The following DSCAML1 variants were observed in gnomAD, a reference collection of about 807,000 sequenced individuals.
The protein encoded by DSCAML1 is DS cell adhesion molecule like 1, also known as cell adhesion molecule DSCAML1.
Under a neutral mutation model 200.5 loss-of-function variants are expected in DSCAML1, and 38 were observed. The ratio of observed to expected loss-of-function variants is 0.19; its 90% CI spans 0.15 to 0.25. The LOEUF is 0.25. Ranked by LOEUF, DSCAML1 falls within the 10% of genes least tolerant of loss-of-function variation. The pLI is 1.00. For synonymous variants in DSCAML1, 1,215 were observed against 1,165.0 expected, an observed-to-expected ratio of 1.04 and a Z score of -0.87; for missense variants, 2,223 against 2,858.8, an observed-to-expected ratio of 0.78 and a Z score of 5.07.
At chr11:117,636,469 C>T (rs967084213) in intron 3 of DSCAML1, among the ~76,000 whole-genome samples, 1 of 152,324 alleles carries the variant, frequency 6.6e-6, no homozygotes, top group Middle Eastern at 3.4e-3. Context: ...ACACCTGCCC[C>T]TCCACTCCAG....
At chr11:117,613,439 G>T (rs546623183) in intron 3 of DSCAML1, among the ~76,000 whole-genome samples, 1 of 152,006 alleles carries the variant, frequency 6.6e-6, no homozygotes, top group Non-Finnish European at 1.5e-5. Flanking sequence ...AATAGGGTGC[G>T]CTCTCCTCTT....
chr11:117,514,208 C>G (rs1156405792), intron 8 of DSCAML1, among the ~76,000 whole-genome samples: 1 of 152,206 alleles, frequency 6.6e-6, no homozygotes, highest in Admixed American at 6.5e-5. Flanking sequence ...CTCCTGCTAG[C>G]TCTCCTCCCC....
chr11:117,532,425 C>T lies in DSCAML1; in HGVS notation c.609G>A (p.Lys203=). 2 of 1,614,182 alleles carry T rather than the reference C, an allele frequency of 1.2e-6. No homozygotes were observed. The highest frequency in any genetic ancestry group is 1.7e-6 in the Non-Finnish European group (2 of 1,180,026). The change falls in exon 4 of 33, where the codon AAG becomes AAA. Residue 203 remains lysine, a synonymous_variant. Coordinates refer to ENST00000651296, the MANE Select transcript of DSCAML1 (RefSeq NM_020693.4). ...TGCTCTGCCGGGTCTCCCCGCTATACTTGTGCTTGGTGATGCAGCGATAGG... is the reference window on the plus strand; with the variant it reads ...TGCTCTGCCGGGTCTCCCCGCTATATTTGTGCTTGGTGATGCAGCGATAGG... ...LSTYRCITKH[K]YSGETRQSNG...
intron 3 of DSCAML1, among the ~76,000 whole-genome samples, chr11:117,534,277 C>T (rs1414793076): frequency 3.3e-5 from 5 of 152,244 alleles, no homozygotes; most frequent in Non-Finnish European, 5.9e-5. Context: ...CGTAGGGCAC[C>T]TTCTGCCACT....
intron 7 of DSCAML1, among the ~76,000 whole-genome samples, chr11:117,517,703 G>A (rs959974036): frequency 1.3e-5 from 2 of 152,224 alleles, no homozygotes; most frequent in Admixed American, 6.5e-5. Flanking sequence ...CCTTCCTGCT[G>A]TCCCCCTGCT....
At chr11:117,754,061 C>T (rs1216018666) in intron 3 of DSCAML1, among the ~76,000 whole-genome samples, 1 of 152,130 alleles carries the variant, frequency 6.6e-6, no homozygotes, top group Non-Finnish European at 1.5e-5. Flanking sequence ...ATCCTGGGGT[C>T]CTTTCCCTTT....
At position 117,816,268 on chromosome 11, in the gene DSCAML1, C is replaced by T. The variant is rs192232568; in HGVS notation, c.-250+1122G>A. ...GTGGCTCTCCCAGTGCAGCCCTGGG[C>T]TCAGCACTGCCCTCCCAATGTCCCG... On this transcript the variant is annotated intron_variant, in intron 1 of 2. Transcript: ENST00000525836. Among the ~76,000 whole-genome samples, 5 of 152,304 alleles carry T rather than the reference C, an allele frequency of 3.3e-5. No homozygotes were observed. In the East Asian group the frequency reaches 9.7e-4, roughly 29 times the overall value.
At chr11:117,440,487 G>A (rs11216388) in intron 21 of DSCAML1, among the ~76,000 whole-genome samples, 33 of 152,358 alleles carry the variant, frequency 2.2e-4, no homozygotes, top group African/African-American at 7.9e-4. Flanking sequence ...GCAGCTGTGA[G>A]GGTTTGCAAA....
intron 3 of DSCAML1, among the ~76,000 whole-genome samples, chr11:117,703,159 C>A (rs1197310970): frequency 2.6e-5 from 4 of 152,170 alleles, no homozygotes; most frequent in Non-Finnish European, 5.9e-5. Context: ...AATTTCAGGG[C>A]TGCCCAGCAA....
chr11:117,807,064 G>A (rs949767222), intron 1 of DSCAML1, among the ~76,000 whole-genome samples: 2 of 152,136 alleles, frequency 1.3e-5, no homozygotes, highest in African/African-American at 2.4e-5. Flanking sequence ...TTCCTTGGCC[G>A]GGGCACCCGC....
chr11:117,614,100 GGA>G (rs1033101085), intron 3 of DSCAML1, among the ~76,000 whole-genome samples: 1 of 152,018 alleles, frequency 6.6e-6, no homozygotes, highest in African/African-American at 2.4e-5. Context: ...AAGCTGCCCT[GGA>G]GAGAGATATA....
chr11:117,645,904 A>C (rs2052512673), intron 3 of DSCAML1, among the ~76,000 whole-genome samples: 1 of 150,730 alleles, frequency 6.6e-6, no homozygotes, highest in Non-Finnish European at 1.5e-5. Flanking sequence ...GTATAATAAT[A>C]AATAAATAAA....
At chr11:117,442,086 G>A (rs567215554) in intron 21 of DSCAML1, among the ~76,000 whole-genome samples, 42 of 146,626 alleles carry the variant, frequency 2.9e-4, no homozygotes, top group African/African-American at 9.8e-4. Context: ...TTGTGCACAT[G>A]CATGTGAGTG....
chr11:117,605,686 C>T (rs981848925), intron 3 of DSCAML1, among the ~76,000 whole-genome samples: 6 of 152,102 alleles, frequency 3.9e-5, no homozygotes, highest in African/African-American at 9.7e-5. Context: ...AGGGAAGAGG[C>T]GAGAACATGG....
intron 15 of DSCAML1, among the ~76,000 whole-genome samples, chr11:117,471,051 C>A (rs1165388910): frequency 6.6e-6 from 1 of 152,156 alleles, no homozygotes; most frequent in Admixed American, 6.5e-5. Flanking sequence ...GTGTTATGAC[C>A]AGAAAGGGGT....
chr11:117,779,013 C>T (rs947839649), intron 2 of DSCAML1, among the ~76,000 whole-genome samples: 4 of 152,222 alleles, frequency 2.6e-5, no homozygotes, highest in African/African-American at 9.6e-5. Flanking sequence ...CTCCCGTTCC[C>T]AGCTACTTTA....
chr11:117,434,151 A>G (rs191922274), intron 27 of DSCAML1, among the ~76,000 whole-genome samples: 5 of 152,194 alleles, frequency 3.3e-5, no homozygotes, highest in African/African-American at 1.2e-4. Context: ...TAACCATCCA[A>G]TTGTCTGGCT....
chr11:117,437,028 TAGTC>T lies in DSCAML1; in HGVS notation c.4720+90_4720+93del. On this transcript the variant is annotated intron_variant, in intron 26 of 32. Coordinates refer to ENST00000651296, the MANE Select transcript of DSCAML1 (RefSeq NM_020693.4). This position sits in a 1 kb window ranked among gnomAD's most constrained non-coding sequence, Gnocchi z 5.3. ...CCTGCATTCCTGCCTGTTTTTCTAT[TAGTC>T]TGTCTCTTTATGTATCTGCCACTCT... 1.4e-6 allele frequency: 2 copies of T among 1,475,544 alleles called. No homozygotes were observed. The highest frequency in any genetic ancestry group is 1.8e-6 in the Non-Finnish European group (2 of 1,102,536). The allele number at this position is 1,475,544 out of a possible 1,614,324, so 91.4% of individuals were successfully genotyped here.
intron 19 of DSCAML1, among the ~76,000 whole-genome samples, chr11:117,457,831 C>T (rs2048402356): frequency 6.6e-6 from 1 of 152,192 alleles, no homozygotes; most frequent in Non-Finnish European, 1.5e-5. Context: ...GACTCTGGGT[C>T]TCCATATCCC....
Sources: allele counts gnomAD v4.1 joint callset (sites outside exome capture counted in the v4.1 genomes callset), GRCh38; gene constraint gnomAD v4.1.1; non-coding constraint Gnocchi (gnomAD v3.1); transcripts MANE v1.5; gene names NCBI Gene and HGNC (gene_info 2026-07-23, HGNC 2026-07-21).